DGKB: variants seen among roughly 807,000 people sequenced by gnomAD.
DGKB encodes diacylglycerol kinase beta.
Under a neutral mutation model 114.3 loss-of-function variants are expected in DGKB, and 67 were observed. That is an observed-to-expected ratio of 0.59 (90% CI 0.48 to 0.72). The LOEUF is 0.72. DGKB is among the 30% of genes least tolerant of loss of function. The pLI, the probability that DGKB is intolerant of heterozygous loss-of-function variation, is 0.00. For missense variants in DGKB, 907 were observed against 975.2 expected, an observed-to-expected ratio of 0.93 and a Z score of 0.93; for synonymous variants, 398 against 323.1, an observed-to-expected ratio of 1.23 and a Z score of -2.49.
Position 14,149,248 on chromosome 7 carries a change from A to AAGAGAG in DGKB, c.2305-16_2305-11dup. ...TGTGTGTAATTTTTATCTAGAAAAA[A>AAGAGAG]AGAGAGAGAGAGAGAGAGAAAGAAT... On this transcript the variant is annotated splice_polypyrimidine_tract_variant and intron_variant, in intron 25 of 25. Coordinates refer to ENST00000402815, the MANE Select transcript of DGKB (RefSeq NM_001350709.2). 1.3e-6 allele frequency: 2 copies of AAGAGAG among 1,535,688 alleles called. No individual in the cohort carries two copies. Among genetic ancestry groups the AAGAGAG allele is most frequent in the Non-Finnish European group, 1.8e-6 (2 of 1,123,786 alleles).
chr7:14,574,541 C>T (rs1184693281), intron 19 of DGKB, among the ~76,000 whole-genome samples, 169 bp from the exon 20 acceptor site: 1 of 152,146 alleles, frequency 6.6e-6, no homozygotes, highest in East Asian at 1.9e-4. Flanking sequence ...TACTCATACC[C>T]ACATTTAATT....
chr7:14,219,122 T>C (rs1477673872), intron 23 of DGKB, among the ~76,000 whole-genome samples: 2 of 151,954 alleles, frequency 1.3e-5, no homozygotes, highest in Non-Finnish European at 2.9e-5. Context: ...TATAAGTGAA[T>C]AACATTTATT....
At chr7:14,577,898 A>G (rs932262487) in intron 19 of DGKB, among the ~76,000 whole-genome samples, 5 of 152,210 alleles carry the variant, frequency 3.3e-5, no homozygotes, top group Admixed American at 6.5e-5. Flanking sequence ...TCTTCTACAA[A>G]TATTAAGCAT....
At chr7:14,791,730 T>C (rs1840692741) in intron 2 of DGKB, among the ~76,000 whole-genome samples, 1 of 152,194 alleles carries the variant, frequency 6.6e-6, no homozygotes, top group Admixed American at 6.6e-5. Flanking sequence ...ATCACACTGA[T>C]TGATTTTCTA....
intron 23 of DGKB, among the ~76,000 whole-genome samples, chr7:14,281,026 T>C (rs1799863497): frequency 1.3e-5 from 2 of 150,498 alleles, no homozygotes; most frequent in East Asian, 4.1e-4. Flanking sequence ...ACTTTAAATG[T>C]AAATGGACTA....
Position 14,919,103 on chromosome 7 carries a change from C to A in DGKB, c.-188+55593G>T, listed in dbSNP as rs1006467413. On this transcript the variant is annotated intron_variant, in intron 1 of 4. Transcript: ENST00000437998. ...ACACACACACACACACAAACACACACACACACACACACACACACACAAAGT... is the reference window on the plus strand; with the variant it reads ...ACACACACACACACACAAACACACAAACACACACACACACACACACAAAGT... Among the ~76,000 whole-genome samples, 11 of 132,372 alleles carry A rather than the reference C, an allele frequency of 8.3e-5. No individual in the cohort carries two copies. In the East Asian group the frequency reaches 1.5e-3, roughly 18 times the overall value. 86.8% of individuals were successfully genotyped at this position (132,372 alleles called of 152,430 possible).
At chr7:14,635,117 C>T (rs527346654) in intron 13 of DGKB, among the ~76,000 whole-genome samples, 1 of 151,456 alleles carries the variant, frequency 6.6e-6, no homozygotes, top group Non-Finnish European at 1.5e-5. Context: ...CCCTTGACTA[C>T]TTCTCACCTG....
chr7:14,770,259 G>T (rs1383050923), intron 2 of DGKB, among the ~76,000 whole-genome samples: 1 of 152,026 alleles, frequency 6.6e-6, no homozygotes, highest in Non-Finnish European at 1.5e-5. Flanking sequence ...CTATGACACT[G>T]GTCTAACAGC....
intron 17 of DGKB, among the ~76,000 whole-genome samples, chr7:14,597,572 G>A (rs943969080): frequency 5.3e-5 from 8 of 152,022 alleles, no homozygotes; most frequent in Non-Finnish European, 1.2e-4. Flanking sequence ...TCAAGTTGTA[G>A]ATTTCTATAT....
chr7:14,168,080 T>C (rs886513487), intron 25 of DGKB, among the ~76,000 whole-genome samples: 2 of 151,802 alleles, frequency 1.3e-5, no homozygotes, highest in East Asian at 3.9e-4. Flanking sequence ...TGAAATGAAA[T>C]GAAAGACAGA....
intron 21 of DGKB, among the ~76,000 whole-genome samples, chr7:14,430,022 G>A (rs952025719): frequency 1.3e-5 from 2 of 152,064 alleles, no homozygotes; most frequent in Non-Finnish European, 1.5e-5. Context: ...GGAAATGATT[G>A]CTTTTTACTG....
chr7:14,664,292 G>A (rs980738422), intron 13 of DGKB, among the ~76,000 whole-genome samples: 1 of 151,822 alleles, frequency 6.6e-6, no homozygotes, highest in African/African-American at 2.4e-5. Context: ...TTTCTCTCCT[G>A]GTTGCCTAAT....
At chr7:14,331,371 A>G (rs566307712) in intron 23 of DGKB, among the ~76,000 whole-genome samples, 49 of 152,124 alleles carry the variant, frequency 3.2e-4, no homozygotes, top group African/African-American at 1.1e-3. Flanking sequence ...CTGAAATTAA[A>G]TGCTTGGAAA....
At chr7:14,154,426 G>A (rs1009638026) in intron 25 of DGKB, among the ~76,000 whole-genome samples, 2 of 151,696 alleles carry the variant, frequency 1.3e-5, no homozygotes, top group African/African-American at 4.8e-5. Context: ...TCCTATCTAG[G>A]GACTTTGAGC....
chr7:14,517,888 T>G (rs543670301), intron 20 of DGKB, among the ~76,000 whole-genome samples: 1 of 152,320 alleles, frequency 6.6e-6, no homozygotes, highest in South Asian at 2.1e-4. Context: ...TCAGCCATTG[T>G]GGAAAGCAGT....
intron 1 of DGKB, among the ~76,000 whole-genome samples, chr7:14,956,283 C>G (rs1319003585): frequency 1.3e-5 from 2 of 151,862 alleles, no homozygotes; most frequent in African/African-American, 4.8e-5. Context: ...CCTCCCCAAA[C>G]CAGAATGAAT....
intron 1 of DGKB, among the ~76,000 whole-genome samples, chr7:14,890,018 T>C (rs1050436697): frequency 6.6e-6 from 1 of 151,538 alleles, no homozygotes; most frequent in Non-Finnish European, 1.5e-5. Flanking sequence ...AAAAAATGCA[T>C]CAACTTGTCA....
intron 1 of DGKB, among the ~76,000 whole-genome samples, chr7:14,919,070 A>ACACT (rs1358854734): frequency 1.7e-5 from 2 of 121,090 alleles, no homozygotes; most frequent in Non-Finnish European, 3.4e-5. Flanking sequence ...ACGCACACAC[A>ACACT]CACACACACA....
intron 23 of DGKB, among the ~76,000 whole-genome samples, chr7:14,336,855 GAA>G (rs1810763281): frequency 2.0e-5 from 3 of 152,168 alleles, no homozygotes; most frequent in Non-Finnish European, 2.9e-5. Context: ...CCCAGTGGGT[GAA>G]TGTAGTTGGC....
Sources: allele counts gnomAD v4.1 joint callset (sites outside exome capture counted in the v4.1 genomes callset), GRCh38; gene constraint gnomAD v4.1.1; transcripts MANE v1.5; gene names NCBI Gene and HGNC (gene_info 2026-07-23, HGNC 2026-07-21).